MARCHF1: variants seen among roughly 807,000 people sequenced by gnomAD.
The protein encoded by MARCHF1 is membrane associated ring-CH-type finger 1.
A neutral mutation model predicts 54.2 loss-of-function variants in MARCHF1; 40 were observed. The ratio of observed to expected loss-of-function variants is 0.74; its 90% CI spans 0.57 to 0.96. MARCHF1 has a LOEUF of 0.96. MARCHF1 is among the 40% of genes least tolerant of loss of function. The probability of loss-of-function intolerance (pLI) is 0.00; values close to 1 mark genes in which losing one functional copy is unlikely to be tolerated. For synonymous variants in MARCHF1, 236 were observed against 236.3 expected, an observed-to-expected ratio of 1.00 and a Z score of 0.01; for missense variants, 586 against 656.5, an observed-to-expected ratio of 0.89 and a Z score of 1.17.
At chr4:164,277,080 G>A (rs368839842) in intron 1 of MARCHF1, among the ~76,000 whole-genome samples, 6 of 151,968 alleles carry the variant, frequency 3.9e-5, no homozygotes, top group East Asian at 1.9e-4. Context: ...CCTGTTTGCA[G>A]TTATAGGGCT....
At chr4:164,261,901 G>A (rs1733477270) in intron 1 of MARCHF1, among the ~76,000 whole-genome samples, 1 of 152,012 alleles carries the variant, frequency 6.6e-6, no homozygotes, top group South Asian at 2.1e-4. Context: ...ACCACTTCAG[G>A]AGGCTGAGGC....
intron 1 of MARCHF1, among the ~76,000 whole-genome samples, chr4:164,154,776 G>T (rs1730033005): frequency 6.6e-6 from 1 of 152,178 alleles, no homozygotes; most frequent in African/African-American, 2.4e-5. Context: ...TGGACCCTCT[G>T]CCTTTTTGCA....
chr4:163,584,901 T>G (rs1364483189), intron 8 of MARCHF1: 2 of 152,230 alleles, frequency 1.3e-5, no homozygotes, highest in African/African-American at 4.8e-5. Flanking sequence ...ATACTCTCCC[T>G]TGGAAACTGA....
chr4:164,177,802 A>AAG (rs200695616), intron 1 of MARCHF1, among the ~76,000 whole-genome samples: 3,395 of 52,018 alleles, frequency 0.065, 106 homozygotes, highest in African/African-American at 0.15. Flanking sequence ...GTGTGTATGA[A>AAG]AGAGACACAC....
rs547822195 is a variant in MARCHF1 at position 164,050,704 on chromosome 4, G to A, written c.-248+60884C>T. 1.7e-4 allele frequency among the ~76,000 whole-genome samples: 26 copies of A among 152,236 alleles called. No homozygotes were observed. The South Asian group carries it at 4.4e-3, about 26-fold the overall frequency. ...TATCCGCAAGTTGGGAGGCTAAGGC[G>A]GGCGGATCACCTGAGGTCAGGAGTT... is the stretch of plus-strand genomic sequence containing the variant. On this transcript the variant is annotated intron_variant, in intron 2 of 9. Transcript: ENST00000514618.
chr4:163,928,376 G>A (rs1444698066), intron 3 of MARCHF1, among the ~76,000 whole-genome samples: 2 of 151,974 alleles, frequency 1.3e-5, no homozygotes, highest in Non-Finnish European at 2.9e-5. Flanking sequence ...AAGTGCAAGA[G>A]GACAGGCAAT....
chr4:164,132,047 TG>T (rs1756311513), intron 1 of MARCHF1, among the ~76,000 whole-genome samples: 1 of 152,116 alleles, frequency 6.6e-6, no homozygotes, highest in Non-Finnish European at 1.5e-5. Context: ...GAACAGCCAA[TG>T]GAACAACATA....
intron 7 of MARCHF1, among the ~76,000 whole-genome samples, chr4:163,604,540 T>C (rs1047288054): frequency 3.9e-5 from 6 of 152,168 alleles, no homozygotes; most frequent in Non-Finnish European, 8.8e-5. Flanking sequence ...TACTTTGTCT[T>C]TGGTCTTGTC....
At chr4:163,754,412 G>C (rs547591359) in intron 4 of MARCHF1, among the ~76,000 whole-genome samples, 49 of 152,270 alleles carry the variant, frequency 3.2e-4, no homozygotes, top group African/African-American at 1.2e-3. Context: ...AATTGGAAGT[G>C]AAAACAACAA....
intron 3 of MARCHF1, among the ~76,000 whole-genome samples, chr4:163,942,540 A>T (rs1751933873): frequency 6.6e-6 from 1 of 152,230 alleles, no homozygotes; most frequent in African/African-American, 2.4e-5. Flanking sequence ...ATGAAAGTGC[A>T]TGTTTAAAAG....
chr4:164,211,509 A>C lies in MARCHF1; in HGVS notation c.-322-99847T>G, dbSNP rs186944499. Among the ~76,000 whole-genome samples the C allele has an allele frequency of 3.3e-5, 5 of 152,128 alleles. No individual in the cohort carries two copies. The South Asian group carries it at 1.0e-3, about 32-fold the overall frequency. On this transcript the variant is annotated intron_variant, in intron 1 of 9. Transcript: ENST00000514618. ...GGCAAAAGTCAAAGGCCCAGTTAAG[A>C]GACTGTTTTAAAAATAGGAAATAAT... is the stretch of plus-strand genomic sequence containing the variant.
chr4:163,659,780 C>T (rs2111095883), intron 5 of MARCHF1, among the ~76,000 whole-genome samples: 1 of 152,116 alleles, frequency 6.6e-6, no homozygotes, highest in South Asian at 2.1e-4. Context: ...ATTTATGCAG[C>T]CAACAAACAT....
chr4:163,737,106 G>A (rs73868684), intron 4 of MARCHF1, among the ~76,000 whole-genome samples: 2,366 of 150,184 alleles, frequency 0.016, 66 homozygotes, highest in African/African-American at 0.056. Flanking sequence ...ATTAGGTAAC[G>A]CCTGTGGCTA....
intron 4 of MARCHF1, among the ~76,000 whole-genome samples, chr4:163,822,238 T>A (rs1003320588): frequency 1.3e-5 from 2 of 151,894 alleles, no homozygotes; most frequent in African/African-American, 4.8e-5. Flanking sequence ...TTGGATCACA[T>A]AATTCCTTTA....
chr4:164,285,512 G>T (rs931156260), intron 1 of MARCHF1, among the ~76,000 whole-genome samples: 16 of 151,914 alleles, frequency 1.1e-4, no homozygotes, highest in African/African-American at 3.6e-4. Context: ...GCGCGATCTC[G>T]GCTCACGGCA....
chr4:163,893,092 T>G (rs1750697067), intron 3 of MARCHF1, among the ~76,000 whole-genome samples: 1 of 151,146 alleles, frequency 6.6e-6, no homozygotes, highest in Admixed American at 6.6e-5. Flanking sequence ...ATCTGGACAG[T>G]AAACAAACCT....
intron 2 of MARCHF1, among the ~76,000 whole-genome samples, chr4:164,107,693 TTAAG>T (rs1755737510): frequency 1.3e-5 from 2 of 152,140 alleles, no homozygotes; most frequent in Non-Finnish European, 2.9e-5. Flanking sequence ...CTCTCAACAT[TTAAG>T]TGAGTAAGTG....
intron 2 of MARCHF1, among the ~76,000 whole-genome samples, chr4:164,086,483 T>C (rs1755194891): frequency 6.6e-6 from 1 of 152,032 alleles, no homozygotes; most frequent in Non-Finnish European, 1.5e-5. Context: ...GCTTCACTAC[T>C]GTACACACCA....
At chr4:164,311,618 C>T (rs1473248544) in intron 1 of MARCHF1, among the ~76,000 whole-genome samples, 7 of 152,100 alleles carry the variant, frequency 4.6e-5, no homozygotes, top group African/African-American at 1.4e-4. Flanking sequence ...TTCTAAATAT[C>T]ATCTTGAGTC....
Sources: gnomAD v4.1 joint callset for allele counts (sites outside exome capture counted in the v4.1 genomes callset) on GRCh38, gnomAD v4.1.1 for gene constraint, MANE v1.5 for transcripts, NCBI Gene and HGNC (gene_info 2026-07-23, HGNC 2026-07-21) for gene names.